C12orf54: variants seen among roughly 807,000 people sequenced by gnomAD.
C12orf54 encodes chromosome 12 open reading frame 54.
In C12orf54, 24 loss-of-function variants were observed where a neutral mutation model predicts 26.4. The ratio of observed to expected loss-of-function variants is 0.91; its 90% CI spans 0.66 to 1.28. C12orf54 has a LOEUF of 1.28. Ranked by LOEUF, C12orf54 falls within the 50% of genes most tolerant of loss-of-function variation. The probability of loss-of-function intolerance (pLI) is 0.00; values close to 1 mark genes in which losing one functional copy is unlikely to be tolerated. For missense variants in C12orf54, 154 were observed against 150.9 expected (o/e 1.02, Z -0.11); for synonymous variants, 54 against 47.0 (o/e 1.15, Z -0.61).
At chr12:48,428,729 C>T in the C12orf54 span, among the ~76,000 whole-genome samples, 1 of 152,010 alleles carries the variant, frequency 6.6e-6, no homozygotes, top group Non-Finnish European at 1.5e-5. Flanking sequence ...CAGTGGAATT[C>T]TACAAGACAT....
intron 2 of C12orf54, among the ~76,000 whole-genome samples, chr12:48,484,643 G>C (rs1954237594): frequency 2.0e-5 from 3 of 152,328 alleles, no homozygotes; most frequent in East Asian, 3.9e-4. Flanking sequence ...GAGGAAACAA[G>C]CTTAGGGTTG....
chr12:48,493,520 TG>T (rs1937837513), intron 7 of C12orf54, among the ~76,000 whole-genome samples: 1 of 150,098 alleles, frequency 6.7e-6, no homozygotes, highest in Non-Finnish European at 1.5e-5. Context: ...CTCGGGAGGC[TG>T]AGGTGAAAGG....
the C12orf54 span, among the ~76,000 whole-genome samples, chr12:48,414,725 C>T: frequency 3.3e-5 from 5 of 152,178 alleles, no homozygotes; most frequent in Non-Finnish European, 5.9e-5. Context: ...TAGTATTATC[C>T]AGTGACCTGG....
the C12orf54 span, among the ~76,000 whole-genome samples, chr12:48,455,224 C>A: frequency 6.6e-6 from 1 of 152,104 alleles, no homozygotes; most frequent in African/African-American, 2.4e-5. Flanking sequence ...TGTATTAGTT[C>A]ATTTAGGATA....
the C12orf54 span, among the ~76,000 whole-genome samples, chr12:48,469,704 G>A: frequency 2.6e-5 from 4 of 152,194 alleles, no homozygotes; most frequent in Non-Finnish European, 5.9e-5. Context: ...TTTATGTTCA[G>A]AGATTGCAGT....
At chr12:48,473,202 G>C in the C12orf54 span, 1 of 1,315,708 alleles carries the variant, frequency 7.6e-7, no homozygotes, top group Admixed American at 1.8e-5. Flanking sequence ...GGAGGAGTAT[G>C]ATGAAGATGC....
the C12orf54 span, among the ~76,000 whole-genome samples, chr12:48,413,188 A>G: frequency 6.6e-6 from 1 of 152,244 alleles, no homozygotes; most frequent in Non-Finnish European, 1.5e-5. Flanking sequence ...TTCAGCATTT[A>G]ACTAAGCCTA....
At chr12:48,433,460 G>A in the C12orf54 span, among the ~76,000 whole-genome samples, 9 of 148,198 alleles carry the variant, frequency 6.1e-5, no homozygotes, top group East Asian at 4.2e-4. Context: ...TTTTTTGGGG[G>A]GGGGGGGGGC....
intron 7 of C12orf54, among the ~76,000 whole-genome samples, 164 bp downstream of exon 7, chr12:48,493,159 A>G (rs924033825): frequency 1.3e-5 from 2 of 152,162 alleles, no homozygotes; most frequent in Admixed American, 1.3e-4. Flanking sequence ...CTAATGGTGA[A>G]CTACAGAGCC....
At chr12:48,454,766 A>G in the C12orf54 span, among the ~76,000 whole-genome samples, 3 of 152,218 alleles carry the variant, frequency 2.0e-5, no homozygotes, top group African/African-American at 7.2e-5. Context: ...TTGGGTAACT[A>G]TAGTAACTTA....
At chr12:48,481,727 A>G (rs1199891463), upstream of C12orf54, among the ~76,000 whole-genome samples, 1 of 151,962 alleles carries the variant, frequency 6.6e-6, no homozygotes, top group Non-Finnish European at 1.5e-5. Context: ...GAGTTTTCCC[A>G]CCATCACCTG....
At chr12:48,479,523 T>C (rs79382859), upstream of C12orf54, among the ~76,000 whole-genome samples, 22,405 of 151,270 alleles carry the variant, frequency 0.15, 2,882 homozygotes, top group East Asian at 0.66. Flanking sequence ...AATAATAAAA[T>C]AAAATATATA....
the C12orf54 span, among the ~76,000 whole-genome samples, chr12:48,451,567 G>A: frequency 2.0e-5 from 3 of 152,160 alleles, no homozygotes; most frequent in Non-Finnish European, 2.9e-5. Context: ...GTTTGCAGAT[G>A]GCATAATCCT....
At chr12:48,473,087 A>AC in the C12orf54 span, 1 of 1,613,942 alleles carries the variant, frequency 6.2e-7, no homozygotes, top group Non-Finnish European at 8.5e-7. Context: ...TCCTCCTGCA[A>AC]CTCACATATC....
the C12orf54 span, among the ~76,000 whole-genome samples, chr12:48,445,459 T>C: frequency 6.6e-6 from 1 of 152,152 alleles, no homozygotes. Flanking sequence ...ATTAAAGATA[T>C]GGTTAGTTTC....
At chr12:48,465,650 C>T in the C12orf54 span, among the ~76,000 whole-genome samples, 1 of 152,080 alleles carries the variant, frequency 6.6e-6, no homozygotes, top group Non-Finnish European at 1.5e-5. Flanking sequence ...ATAACAAAGA[C>T]ATGAAATCAA....
the C12orf54 span, among the ~76,000 whole-genome samples, chr12:48,443,568 G>T: frequency 7.9e-5 from 12 of 152,158 alleles, no homozygotes; most frequent in African/African-American, 2.9e-4. Flanking sequence ...GACCTCCAAT[G>T]CTATGTAAGT....
At chr12:48,451,307 T>C in the C12orf54 span, among the ~76,000 whole-genome samples, 19,235 of 151,384 alleles carry the variant, frequency 0.13, 1,607 homozygotes, top group Non-Finnish European at 0.2. Flanking sequence ...AAAAAAAACT[T>C]CTCAATAAAC....
At chr12:48,434,545 G>T in the C12orf54 span, among the ~76,000 whole-genome samples, 2 of 152,142 alleles carry the variant, frequency 1.3e-5, no homozygotes, top group African/African-American at 4.8e-5. Context: ...ACACGGCCGG[G>T]TACTCCTCTG....
Sources: gnomAD v4.1 joint callset for allele counts (sites outside exome capture counted in the v4.1 genomes callset) on GRCh38, gnomAD v4.1.1 for gene constraint, MANE v1.5 for transcripts, NCBI Gene and HGNC (gene_info 2026-07-23, HGNC 2026-07-21) for gene names.